Variants in CACNA1E observed in about 807,000 individuals in gnomAD.
The protein encoded by CACNA1E is voltage-dependent R-type calcium channel subunit alpha-1E.
Under a neutral mutation model 259.2 loss-of-function variants are expected in CACNA1E, and 40 were observed. That is an observed-to-expected ratio of 0.15 (90% CI 0.12 to 0.20). The LOEUF is 0.20. Ranked by LOEUF, CACNA1E falls within the 10% of genes least tolerant of loss-of-function variation. The probability of loss-of-function intolerance (pLI) is 1.00; values close to 1 mark genes in which losing one functional copy is unlikely to be tolerated. For synonymous variants in CACNA1E, 1,104 were observed against 1,138.5 expected, an observed-to-expected ratio of 0.97 and a Z score of 0.61; for missense variants, 1,874 against 3,040.1, an observed-to-expected ratio of 0.62 and a Z score of 9.02.
intron 6 of CACNA1E, among the ~76,000 whole-genome samples, chr1:181,582,822 G>A (rs553192165): frequency 6.2e-4 from 95 of 152,218 alleles, no homozygotes; most frequent in African/African-American, 2.2e-3. Context: ...AGGTTTAGAA[G>A]TTACACACAG....
chr1:181,534,055 T>C (rs1021556709), intron 3 of CACNA1E, among the ~76,000 whole-genome samples: 1 of 152,134 alleles, frequency 6.6e-6, no homozygotes, highest in Non-Finnish European at 1.5e-5. Context: ...CTTTTTCTTA[T>C]CTTATTGCCC....
rs577274276 is a variant in CACNA1E, at chr1:181,577,019, A to G, written c.513-747A>G. Among the ~76,000 whole-genome samples the G allele has an allele frequency of 7.2e-4, 109 of 152,336 alleles. 1 individual carries two copies. Among genetic ancestry groups the G allele is most frequent in the Non-Finnish European group, 1.2e-3 (85 of 68,032 alleles). On this transcript the variant is annotated intron_variant, in intron 3 of 47. Coordinates refer to ENST00000367573, the MANE Select transcript of CACNA1E (RefSeq NM_001205293.3). ...CTCTTAATCTTCTGCTATGTCTTTC[A>G]TAAATACATATATGTCCTTGTCTCT...
chr1:181,556,672 G>A (rs146217167), intron 3 of CACNA1E, among the ~76,000 whole-genome samples: 333 of 152,312 alleles, frequency 2.2e-3, no homozygotes, highest in Admixed American at 3.4e-3. Context: ...CTTAGAGGGT[G>A]CATGGCCTCA....
intron 46 of CACNA1E, among the ~76,000 whole-genome samples, chr1:181,795,421 C>T (rs1214565052): frequency 6.7e-6 from 1 of 150,070 alleles, no homozygotes; most frequent in Non-Finnish European, 1.5e-5. Context: ...ACAGTGCTAC[C>T]TGGAGTTATT....
chr1:181,332,923 G>A (rs1247498738), intron 1 of CACNA1E, among the ~76,000 whole-genome samples: 9 of 152,164 alleles, frequency 5.9e-5, no homozygotes, highest in Admixed American at 1.3e-4. Context: ...TCCATCGTGA[G>A]TCAACCAGAA....
chr1:181,508,433 A>T (rs1665899896), intron 1 of CACNA1E, among the ~76,000 whole-genome samples: 1 of 152,208 alleles, frequency 6.6e-6, no homozygotes, highest in African/African-American at 2.4e-5. Flanking sequence ...TTTTCAGGAA[A>T]GGGTATGGAT....
At chr1:181,677,190 G>A (rs989900259) in intron 7 of CACNA1E, among the ~76,000 whole-genome samples, 1 of 152,076 alleles carries the variant, frequency 6.6e-6, no homozygotes, top group Non-Finnish European at 1.5e-5. Context: ...ACTCAGGATA[G>A]ATCTAGAAGA....
intron 1 of CACNA1E, among the ~76,000 whole-genome samples, chr1:181,336,869 T>A (rs1194672975): frequency 6.6e-6 from 1 of 151,928 alleles, no homozygotes; most frequent in Non-Finnish European, 1.5e-5. Flanking sequence ...AATGTCTTTT[T>A]TTCTTAAAGT....
At chr1:181,401,489 A>G (rs1657099344) in intron 1 of CACNA1E, among the ~76,000 whole-genome samples, 1 of 152,272 alleles carries the variant, frequency 6.6e-6, no homozygotes, top group Middle Eastern at 3.4e-3. Flanking sequence ...GCTTATTGTC[A>G]ATGTATTGAA....
intron 3 of CACNA1E, among the ~76,000 whole-genome samples, chr1:181,572,884 T>A (rs567107830): frequency 3.9e-5 from 6 of 152,118 alleles, no homozygotes; most frequent in Non-Finnish European, 7.4e-5. Flanking sequence ...TGGCGCTTGG[T>A]AATTTGTGGC....
At chr1:181,782,495 G>T (rs1056928620) in intron 39 of CACNA1E, among the ~76,000 whole-genome samples, 4 of 152,236 alleles carry the variant, frequency 2.6e-5, no homozygotes, top group African/African-American at 9.6e-5. Context: ...GATGTTTAAA[G>T]AAGTGGGAGA....
rs1193142294 is a variant in CACNA1E, at chr1:181,783,669, T to C, written c.5365-10T>C. The C allele has an allele frequency of 9.8e-6, 15 of 1,528,380 alleles. No individual in the cohort carries two copies. Among genetic ancestry groups the C allele is most frequent in the Non-Finnish European group, 1.3e-5 (14 of 1,111,932 alleles). 94.7% of individuals were successfully genotyped at this position (1,528,380 alleles called of 1,614,324 possible). A position where few individuals can be genotyped will look rare whatever the true frequency, so the allele number is the denominator to read the frequency against. On this transcript the variant is annotated splice_polypyrimidine_tract_variant and intron_variant, in intron 39 of 47. Coordinates refer to ENST00000367573, the MANE Select transcript of CACNA1E (RefSeq NM_001205293.3). ...TTTTGCCTGCTGTTTCTTTTTTCTCTTTCACACAGAGGTTGGTCCTGATGA... is the reference window on the plus strand; with the variant it reads ...TTTTGCCTGCTGTTTCTTTTTTCTCCTTCACACAGAGGTTGGTCCTGATGA...
chr1:181,539,470 T>A (rs79664647), intron 3 of CACNA1E, among the ~76,000 whole-genome samples: 1,629 of 152,282 alleles, frequency 0.011, 31 homozygotes, highest in African/African-American at 0.036. Flanking sequence ...AGGATACCTT[T>A]AAGGCCAAAT....
At chr1:181,440,559 G>A (rs1660392589) in intron 2 of CACNA1E, among the ~76,000 whole-genome samples, 1 of 152,116 alleles carries the variant, frequency 6.6e-6, no homozygotes, top group Admixed American at 6.5e-5. Context: ...GTAGGCAGAG[G>A]CAGAAAGGGT....
At chr1:181,370,247 A>G (rs1451855822) in intron 1 of CACNA1E, among the ~76,000 whole-genome samples, 1 of 150,872 alleles carries the variant, frequency 6.6e-6, no homozygotes, top group Non-Finnish European at 1.5e-5. Context: ...TACTCTAACT[A>G]TTCACACTTG....
intron 3 of CACNA1E, among the ~76,000 whole-genome samples, chr1:181,536,490 A>G (rs1321263731): frequency 4.6e-5 from 7 of 152,218 alleles, no homozygotes; most frequent in African/African-American, 1.7e-4. Flanking sequence ...TGCTTGCAAT[A>G]TTCTCACACT....
Position 181,732,550 on chromosome 1 carries a change from G to A in CACNA1E, c.2464G>A (p.Ala822Thr), listed in dbSNP as rs1655595683. 1 of 1,547,730 alleles carries A rather than the reference G, an allele frequency of 6.5e-7. No individual in the cohort carries two copies. The highest frequency in any genetic ancestry group is 1.4e-5 in the African/African-American group (1 of 72,878). ...NPLSSLNPLN[A>T]HPSLYRRPRA... ...GCTCAGCTCCCTCAACCCGCTCAAT[G>A]CCCACCCCAGCCTTTATCGGCGACC... Residue 822 changes from alanine to threonine, a missense_variant, in exon 20 of 48, where the codon GCC becomes ACC. Physicochemically the swap from Ala to Thr is moderately conservative, Grantham distance 58. Transcript: ENST00000367573. This position sits in a 1 kb window ranked among gnomAD's most constrained non-coding sequence, Gnocchi z 5.5.
At chr1:181,796,575 A>T in intron 46 of CACNA1E, 93 bp from the exon 47 acceptor site, 1 of 949,858 alleles carries the variant, frequency 1.1e-6, no homozygotes, top group Non-Finnish European at 1.5e-6. Flanking sequence ...GCCCAACCCC[A>T]GGCTGTGATG....
intron 1 of CACNA1E, among the ~76,000 whole-genome samples, chr1:181,375,745 C>T (rs1031317443): frequency 2.6e-5 from 4 of 152,146 alleles, no homozygotes; most frequent in African/African-American, 4.8e-5. Flanking sequence ...TTCCCCTCCT[C>T]CGTGAGGGAT....
Sources: gnomAD v4.1 joint callset for allele counts (sites outside exome capture counted in the v4.1 genomes callset) on GRCh38, gnomAD v4.1.1 for gene constraint, Gnocchi (gnomAD v3.1) non-coding constraint, MANE v1.5 for transcripts, NCBI Gene and HGNC (gene_info 2026-07-23, HGNC 2026-07-21) for gene names.